IL1RAPL2: variants seen among roughly 807,000 people sequenced by gnomAD.
The protein encoded by IL1RAPL2 is interleukin 1 receptor accessory protein like 2.
Under a neutral mutation model 44.1 loss-of-function variants are expected in IL1RAPL2, and 3 were observed. That is an observed-to-expected ratio of 0.07 (90% CI 0.03 to 0.18). IL1RAPL2 has a LOEUF of 0.18. Ranked by LOEUF, IL1RAPL2 falls within the 10% of genes least tolerant of loss-of-function variation. The pLI, the probability that IL1RAPL2 is intolerant of heterozygous loss-of-function variation, is 1.00. For missense variants in IL1RAPL2, 391 were observed against 496.4 expected (o/e 0.79, Z 2.02); for synonymous variants, 181 against 178.8 (o/e 1.01, Z -0.10).
At chrX:105,108,692 T>G (rs1418312792) in intron 2 of IL1RAPL2, among the ~76,000 whole-genome samples, 1 of 110,540 alleles carries the variant, frequency 9.0e-6, no homozygotes. Context: ...TTAAAGTCTC[T>G]TAATCTTCTC....
At position 105,591,354 on chromosome X, in the gene IL1RAPL2, T is replaced by G. The variant is rs756112815; in HGVS notation, c.772+106967T>G. Among the ~76,000 whole-genome samples the G allele has an allele frequency of 5.7e-3, 635 of 110,575 alleles. 4 individuals carry two copies. The highest frequency in any genetic ancestry group is 9.8e-3 in the Non-Finnish European group (517 of 52,802). ...CGGGATCTATCAATCTTATTTACTT[T>G]TTTGAAGAGCCTACTTCTGGTGTCT... On this transcript the variant is annotated intron_variant, in intron 6 of 10. Coordinates refer to ENST00000372582, the MANE Select transcript of IL1RAPL2 (RefSeq NM_017416.2).
intron 1 of IL1RAPL2, among the ~76,000 whole-genome samples, chrX:104,652,791 G>A (rs1930176807): frequency 9.0e-6 from 1 of 111,540 alleles, no homozygotes; most frequent in South Asian, 3.8e-4. Flanking sequence ...AGAGTCTCAT[G>A]CTGATTTTAA....
intron 2 of IL1RAPL2, among the ~76,000 whole-genome samples, chrX:105,050,707 G>A (rs918819131): frequency 8.9e-6 from 1 of 112,125 alleles, no homozygotes; most frequent in African/African-American, 3.2e-5. Context: ...CAAGTAAAGG[G>A]TAAAGAAGTC....
chrX:105,619,250 TA>T (rs1189456220), intron 6 of IL1RAPL2, among the ~76,000 whole-genome samples: 1,704 of 73,917 alleles, frequency 0.023, 26 homozygotes, highest in African/African-American at 0.054. Flanking sequence ...GAAGGCCAAA[TA>T]AAAAAAAAAA....
chrX:105,234,327 TA>T (rs1556199066), intron 4 of IL1RAPL2, among the ~76,000 whole-genome samples: 2 of 112,125 alleles, frequency 1.8e-5, no homozygotes, highest in Non-Finnish European at 3.8e-5. Flanking sequence ...AAATATTATT[TA>T]CTGGTGGGAA....
intron 3 of IL1RAPL2, chrX:105,219,027 A>C (rs199803207): frequency 1.3e-5 from 16 of 1,209,048 alleles, no homozygotes; most frequent in Non-Finnish European, 1.8e-5. Context: ...TCCGTGAAAA[A>C]TTCACAGCGT....
intron 6 of IL1RAPL2, among the ~76,000 whole-genome samples, chrX:105,710,656 A>G (rs1182694942): frequency 1.8e-5 from 2 of 110,150 alleles, no homozygotes; most frequent in Non-Finnish European, 3.8e-5. Flanking sequence ...TAAACACTGT[A>G]CTACATATTG....
chrX:105,356,067 A>T (rs1185593880), intron 5 of IL1RAPL2, among the ~76,000 whole-genome samples: 9 of 110,957 alleles, frequency 8.1e-5, no homozygotes, highest in Non-Finnish European at 1.7e-4. Flanking sequence ...ACAAATAGGG[A>T]TTCTGATACA....
intron 2 of IL1RAPL2, among the ~76,000 whole-genome samples, chrX:104,975,987 C>T (rs972946422): frequency 9.0e-5 from 10 of 110,882 alleles, no homozygotes; most frequent in African/African-American, 2.0e-4. Flanking sequence ...CTGGAAATAA[C>T]GAGAGCCAGT....
In IL1RAPL2 at chrX:105,375,443, G is replaced by A. The variant is rs756199028; in HGVS notation, c.697+107902G>A. Among the ~76,000 whole-genome samples the A allele has an allele frequency of 9.0e-5, 10 of 111,506 alleles. No individual in the cohort carries two copies. The East Asian group carries it at 1.1e-3, about 13-fold the overall frequency. On this transcript the variant is annotated intron_variant, in intron 5 of 10. Transcript: ENST00000372582. ...GGAGAATCACTTGAATCTGGGAGGC[G>A]GAGGTTGCAGTGAGCCGAGATTGCG...
At chrX:105,168,415 GTGT>G (rs1268668232) in intron 2 of IL1RAPL2, among the ~76,000 whole-genome samples, 1 of 10,960 alleles carries the variant, frequency 9.1e-5, no homozygotes, top group African/African-American at 7.4e-4. Flanking sequence ...ACCATAGGAG[GTGT>G]GTGTGTGTGT....
intron 2 of IL1RAPL2, among the ~76,000 whole-genome samples, chrX:104,674,324 G>C (rs1924737167): frequency 2.7e-5 from 3 of 111,732 alleles, no homozygotes; most frequent in African/African-American, 9.8e-5. Flanking sequence ...GTTGAATTTT[G>C]TCAAAGGCTT....
chrX:104,598,853 G>A, intron 1 of IL1RAPL2, among the ~76,000 whole-genome samples: 1 of 112,554 alleles, frequency 8.9e-6, no homozygotes, highest in Non-Finnish European at 1.9e-5. Context: ...GGTAGGGACA[G>A]TACTTATCAT....
intron 1 of IL1RAPL2, among the ~76,000 whole-genome samples, chrX:104,627,943 C>T (rs960300850): frequency 9.0e-6 from 1 of 111,503 alleles, no homozygotes; most frequent in Non-Finnish European, 1.9e-5. Context: ...ATCAACTGAT[C>T]TATTATGATG....
At chrX:105,030,319 C>A (rs1020468077) in intron 2 of IL1RAPL2, among the ~76,000 whole-genome samples, 1 of 110,787 alleles carries the variant, frequency 9.0e-6, no homozygotes, top group African/African-American at 3.3e-5. Context: ...AAGTCCTTGC[C>A]CATGCCTATG....
chrX:105,293,322 C>G (rs888695650), intron 5 of IL1RAPL2, among the ~76,000 whole-genome samples: 2 of 111,953 alleles, frequency 1.8e-5, no homozygotes, highest in Non-Finnish European at 3.8e-5. Flanking sequence ...GTTTGAGCAT[C>G]ATTTCATATC....
chrX:104,985,465 T>C (rs778249921), intron 2 of IL1RAPL2, among the ~76,000 whole-genome samples: 1 of 112,037 alleles, frequency 8.9e-6, no homozygotes, highest in Admixed American at 9.5e-5. Context: ...CTATCAAATT[T>C]TTTAATTGAC....
At chrX:105,363,441 AT>A (rs1032552174) in intron 5 of IL1RAPL2, among the ~76,000 whole-genome samples, 8 of 104,261 alleles carry the variant, frequency 7.7e-5, no homozygotes, top group African/African-American at 2.1e-4. Flanking sequence ...ACTGATTACA[AT>A]TTTTTTTGGA....
intron 2 of IL1RAPL2, among the ~76,000 whole-genome samples, chrX:104,689,291 C>T (rs762289109): frequency 1.3e-4 from 14 of 111,527 alleles, no homozygotes; most frequent in African/African-American, 3.6e-4. Flanking sequence ...TAAACCATGA[C>T]GTGGGGTGCA....
Sources: gnomAD v4.1 joint callset for allele counts (sites outside exome capture counted in the v4.1 genomes callset) on GRCh38, gnomAD v4.1.1 for gene constraint, MANE v1.5 for transcripts, NCBI Gene and HGNC (gene_info 2026-07-23, HGNC 2026-07-21) for gene names.